Variants in ANKS1A observed in about 807,000 individuals in gnomAD.
ANKS1A encodes the protein ankyrin repeat and sterile alpha motif domain containing 1A.
Under a neutral mutation model 120.3 loss-of-function variants are expected in ANKS1A, and 55 were observed. The ratio of observed to expected loss-of-function variants is 0.46; its 90% CI spans 0.37 to 0.57. The LOEUF is 0.57. Ranked by LOEUF, ANKS1A falls within the 20% of genes least tolerant of loss-of-function variation. ANKS1A has a pLI of 0.00. For missense variants in ANKS1A, 1,123 were observed against 1,480.3 expected, an observed-to-expected ratio of 0.76 and a Z score of 3.96; for synonymous variants, 590 against 604.7, an observed-to-expected ratio of 0.98 and a Z score of 0.36.
At chr6:34,894,231 A>G (rs1328069279) in intron 1 of ANKS1A, among the ~76,000 whole-genome samples, 2 of 152,188 alleles carry the variant, frequency 1.3e-5, no homozygotes, top group African/African-American at 4.8e-5. Context: ...ACAGTTTGCT[A>G]TGTTTAGAGT....
chr6:35,068,805 CAG>C (rs2127596927), intron 13 of ANKS1A, among the ~76,000 whole-genome samples: 1 of 152,242 alleles, frequency 6.6e-6, no homozygotes, highest in South Asian at 2.1e-4. Flanking sequence ...ATGGGGCAGT[CAG>C]GGGAACTGGC....
In ANKS1A at chr6:35,082,612, G is replaced by A; in HGVS notation, c.2710-79G>A. 2.0e-6 allele frequency: 3 copies of A among 1,507,388 alleles called. No homozygotes were observed. In the Admixed American group the frequency reaches 6.4e-5, roughly 32 times the overall value. The allele number at this position is 1,507,388 out of a possible 1,614,324, so 93.4% of individuals were successfully genotyped here. ...TAAGGTCACTGGCATCTTCACCCTTGAGTGTGCTGGAGCCAGGCAGCAAGC... is the reference window on the plus strand; with the variant it reads ...TAAGGTCACTGGCATCTTCACCCTTAAGTGTGCTGGAGCCAGGCAGCAAGC... On this transcript the variant is annotated intron_variant, in intron 17 of 23. Transcript: ENST00000360359. The surrounding 1 kb of genome is among the most constrained non-coding windows in gnomAD (Gnocchi z 4.1).
intron 13 of ANKS1A, among the ~76,000 whole-genome samples, chr6:35,076,546 C>T (rs1036052317): frequency 6.6e-6 from 1 of 152,232 alleles, no homozygotes; most frequent in Non-Finnish European, 1.5e-5. Flanking sequence ...ACCATGTGAC[C>T]TTGGCAAGTC....
chr6:35,061,495 G>A (rs1581718016), intron 13 of ANKS1A, among the ~76,000 whole-genome samples: 1 of 152,250 alleles, frequency 6.6e-6, no homozygotes, highest in East Asian at 1.9e-4. Flanking sequence ...GGCTTCTGAG[G>A]GTTTCTCGCT....
intron 1 of ANKS1A, among the ~76,000 whole-genome samples, chr6:34,955,624 A>G (rs1770326109): frequency 6.6e-6 from 1 of 151,708 alleles, no homozygotes; most frequent in Admixed American, 6.6e-5. Flanking sequence ...TGTGTAGCTG[A>G]TTCCCTTCAC....
chr6:34,947,478 G>T (rs1276563071), intron 1 of ANKS1A, among the ~76,000 whole-genome samples: 3 of 152,016 alleles, frequency 2.0e-5, no homozygotes, highest in African/African-American at 7.2e-5. Context: ...TGCGTCTCTT[G>T]TGCTTCTGAA....
chr6:35,060,985 GC>G lies in ANKS1A; in HGVS notation c.2184+734del, dbSNP rs1201717592. On this transcript the variant is annotated intron_variant, in intron 13 of 23. Transcript: ENST00000360359. The surrounding 1 kb of genome is among the most constrained non-coding windows in gnomAD (Gnocchi z 4.5). The stretch of plus-strand genomic sequence containing the variant: ...TTCTAGAGGCATCTGCATGCGCCGG[GC>G]CTGCTTCCAGGAGCAGGCATTTGAG... Among the ~76,000 whole-genome samples the G allele has an allele frequency of 6.6e-6, 1 of 152,172 alleles. No individual in the cohort carries two copies. The highest frequency in any genetic ancestry group is 2.4e-5 in the African/African-American group (1 of 41,436).
rs186338039 is a variant in ANKS1A at position 35,086,338 on chromosome 6, A to C, written c.3303+402A>C. On this transcript the variant is annotated intron_variant, in intron 22 of 23. Transcript: ENST00000360359. The surrounding 1 kb of genome is among the most constrained non-coding windows in gnomAD (Gnocchi z 5.1). ...GCACCACCCACCGTCCTTCCTACCT[A>C]CCGCTGCCATCTGTTAGTCCTGGAG... The C allele has an allele frequency of 3.8e-5, 50 of 1,299,162 alleles. No individual in the cohort carries two copies. The East Asian group carries it at 2.7e-3, about 69-fold the overall frequency. 80.5% of individuals were successfully genotyped at this position (1,299,162 alleles called of 1,614,324 possible). A position where few individuals can be genotyped will look rare whatever the true frequency, so the allele number is the denominator to read the frequency against.
At chr6:35,059,021 G>A (rs567459672) in intron 12 of ANKS1A, among the ~76,000 whole-genome samples, 2 of 152,348 alleles carry the variant, frequency 1.3e-5, no homozygotes, top group South Asian at 2.1e-4. Context: ...GACTTAAGCC[G>A]CCACAGCTCA....
chr6:34,964,602 A>G (rs1028483384), intron 1 of ANKS1A, among the ~76,000 whole-genome samples: 1 of 152,184 alleles, frequency 6.6e-6, no homozygotes, highest in Non-Finnish European at 1.5e-5. Context: ...GTTACGTAGT[A>G]TTGTATTTTA....
rs1561829635 is a variant in ANKS1A, at chr6:34,889,886, C to T, written c.197+287C>T. Among the ~76,000 whole-genome samples, 2 of 152,104 alleles carry T rather than the reference C, an allele frequency of 1.3e-5. No homozygotes were observed. Among genetic ancestry groups the T allele is most frequent in the Admixed American group, 6.5e-5 (1 of 15,268 alleles). On this transcript the variant is annotated intron_variant, in intron 1 of 23. Transcript: ENST00000360359. This position sits in a 1 kb window ranked among gnomAD's most constrained non-coding sequence, Gnocchi z 5.5. Reference sequence around the variant, plus strand: ...GGCACAGCCAGGGTTCACTCTCGCTCGCTACAGGGTGCCAGCTATCGTAGC... The same window carrying T: ...GGCACAGCCAGGGTTCACTCTCGCTTGCTACAGGGTGCCAGCTATCGTAGC...
rs373494181 is a variant in ANKS1A, at chr6:35,078,669, G to A, written c.2283+13G>A. ...CTCCCTACCCAAGGTGACCATCGCC[G>A]GCCCTGTAGCCTCAGCCCGTGCGGA... On this transcript the variant is annotated intron_variant, in intron 14 of 23. Coordinates refer to ENST00000360359, the MANE Select transcript of ANKS1A (RefSeq NM_015245.3). 4.0e-4 allele frequency: 644 copies of A among 1,600,076 alleles called. 7 individuals are homozygous for A. The South Asian group carries it at 6.5e-3, about 16-fold the overall frequency.
chr6:35,079,791 C>G, intron 15 of ANKS1A, 30 bp from the exon 16 acceptor site: 1 of 1,595,274 alleles, frequency 6.3e-7, no homozygotes, highest in Non-Finnish European at 8.5e-7. Context: ...GGCCACCTGA[C>G]CTGTCACCTC....
chr6:35,028,888 A>C (rs1218476637), intron 11 of ANKS1A, among the ~76,000 whole-genome samples: 1 of 152,216 alleles, frequency 6.6e-6, no homozygotes, highest in African/African-American at 2.4e-5. Flanking sequence ...GCTGCAATGC[A>C]AATCCTTGTA....
chr6:34,923,174 T>C (rs971673991), intron 1 of ANKS1A, among the ~76,000 whole-genome samples: 1 of 152,242 alleles, frequency 6.6e-6, no homozygotes, highest in Non-Finnish European at 1.5e-5. Context: ...GATTTTGTGA[T>C]TGAATACATT....
rs372857692 is a variant in ANKS1A at position 34,972,690 on chromosome 6, G to A, written c.435+2524G>A. 7 of 945,008 alleles carry A rather than the reference G, an allele frequency of 7.4e-6. No individual in the cohort carries two copies. In the African/African-American group the frequency reaches 8.9e-5, roughly 12 times the overall value. 58.5% of individuals were successfully genotyped at this position (945,008 alleles called of 1,614,324 possible). Reference sequence around the variant, plus strand: ...ATTCTCTGCATCATTTCTCCAAGCTGTACCTCCTCTTTGGTCCTCTCCGCT... The same window carrying A: ...ATTCTCTGCATCATTTCTCCAAGCTATACCTCCTCTTTGGTCCTCTCCGCT... On this transcript the variant is annotated intron_variant, in intron 3 of 23. Coordinates refer to ENST00000360359, the MANE Select transcript of ANKS1A (RefSeq NM_015245.3).
At chr6:35,045,689 A>T (rs1775686524) in intron 11 of ANKS1A, among the ~76,000 whole-genome samples, 1 of 152,166 alleles carries the variant, frequency 6.6e-6, no homozygotes, top group African/African-American at 2.4e-5. Flanking sequence ...TGATCCACGG[A>T]CGTTATTTTG....
At chr6:34,966,176 A>G (rs1271707399) in intron 1 of ANKS1A, among the ~76,000 whole-genome samples, 2 of 152,214 alleles carry the variant, frequency 1.3e-5, no homozygotes. Flanking sequence ...AATTATGAAT[A>G]TAGATCCTAA....
intron 10 of ANKS1A, among the ~76,000 whole-genome samples, chr6:34,996,614 A>ACTC (rs1284601482): frequency 1.6e-4 from 25 of 152,186 alleles, no homozygotes; most frequent in Admixed American, 3.9e-4. Flanking sequence ...CTGAGTCCAC[A>ACTC]GGCGCGTGCT....
Sources: gnomAD v4.1 joint callset for allele counts (sites outside exome capture counted in the v4.1 genomes callset) on GRCh38, gnomAD v4.1.1 for gene constraint, Gnocchi (gnomAD v3.1) non-coding constraint, MANE v1.5 for transcripts, NCBI Gene and HGNC (gene_info 2026-07-23, HGNC 2026-07-21) for gene names.